MACROD2: variants seen among roughly 807,000 people sequenced by gnomAD.
MACROD2 encodes the protein mono-ADP ribosylhydrolase 2, also known as ADP-ribose glycohydrolase MACROD2.
Under a neutral mutation model 70.4 loss-of-function variants are expected in MACROD2, and 36 were observed. The ratio of observed to expected loss-of-function variants is 0.51; its 90% CI spans 0.39 to 0.68. The LOEUF (loss-of-function observed/expected upper bound fraction) is 0.68. Among genes scored for constraint, MACROD2 ranks in the 30% least tolerant of loss-of-function variants. The probability of loss-of-function intolerance (pLI) is 0.00; values close to 1 mark genes in which losing one functional copy is unlikely to be tolerated. For missense variants in MACROD2, 496 were observed against 538.4 expected, an observed-to-expected ratio of 0.92 and a Z score of 0.78; for synonymous variants, 172 against 178.8, an observed-to-expected ratio of 0.96 and a Z score of 0.30.
intron 5 of MACROD2, among the ~76,000 whole-genome samples, chr20:15,044,309 G>C (rs1267988689): frequency 6.6e-6 from 1 of 152,158 alleles, no homozygotes; most frequent in Non-Finnish European, 1.5e-5. Flanking sequence ...GCTTACAAGA[G>C]TTTTAGGGAG....
chr20:14,849,538 T>A (rs552527895), intron 5 of MACROD2, among the ~76,000 whole-genome samples: 4 of 152,172 alleles, frequency 2.6e-5, no homozygotes, highest in Admixed American at 2.6e-4. Context: ...CCTAGCACTT[T>A]GGGAGGCCGA....
At chr20:15,165,285 A>G (rs1468331978) in intron 5 of MACROD2, among the ~76,000 whole-genome samples, 5 of 152,110 alleles carry the variant, frequency 3.3e-5, no homozygotes, top group East Asian at 1.9e-4. Flanking sequence ...GTAAAACCCC[A>G]TCTCTACTAA....
chr20:14,912,310 T>C (rs2074037618), intron 5 of MACROD2, among the ~76,000 whole-genome samples: 1 of 152,170 alleles, frequency 6.6e-6, no homozygotes, highest in South Asian at 2.1e-4. Context: ...TTAGTGATTA[T>C]TATATCATAT....
Position 14,504,972 on chromosome 20 carries a change from A to G in MACROD2, c.301+11464A>G, listed in dbSNP as rs926488684. On this transcript the variant is annotated intron_variant, in intron 4 of 17. Transcript: ENST00000684519. ...TTGTTTAAAAATGTTGCATAAATAT[A>G]TTATGGGCATTCTAAAATTTGTTTT... Among the ~76,000 whole-genome samples, 7 of 152,204 alleles carry G rather than the reference A, an allele frequency of 4.6e-5. No homozygotes were observed. In the East Asian group the frequency reaches 1.4e-3, roughly 29 times the overall value.
intron 8 of MACROD2, among the ~76,000 whole-genome samples, chr20:15,593,955 G>T (rs539699039): frequency 6.6e-6 from 1 of 152,116 alleles, no homozygotes; most frequent in South Asian, 2.1e-4. Flanking sequence ...GGTATGGGTT[G>T]GTAAACAGAA....
intron 6 of MACROD2, among the ~76,000 whole-genome samples, chr20:15,417,897 A>C (rs1364134136): frequency 1.3e-5 from 2 of 152,220 alleles, no homozygotes; most frequent in Non-Finnish European, 2.9e-5. Flanking sequence ...TAGGTGGCAC[A>C]TAGAACGGTT....
intron 6 of MACROD2, among the ~76,000 whole-genome samples, chr20:15,264,335 C>T (rs1488430536): frequency 6.6e-6 from 1 of 152,152 alleles, no homozygotes; most frequent in African/African-American, 2.4e-5. Context: ...AAGTTGGCTT[C>T]CTACCAGTTA....
chr20:15,423,750 G>A (rs374253113), intron 6 of MACROD2, among the ~76,000 whole-genome samples: 16 of 152,174 alleles, frequency 1.1e-4, no homozygotes, highest in African/African-American at 3.9e-4. Context: ...CATCATATTG[G>A]GAATTAGGTT....
chr20:15,125,158 T>C lies in MACROD2; in HGVS notation c.419-104782T>C, dbSNP rs2076057477. 2.6e-5 allele frequency among the ~76,000 whole-genome samples: 4 copies of C among 152,090 alleles called. No individual in the cohort carries two copies. The South Asian group carries it at 8.3e-4, about 31-fold the overall frequency. ...TAGTTGTGTATAAACTTATTGAATG[T>C]AATCCCTATATATATATTAAGTTCT... is the stretch of plus-strand genomic sequence containing the variant. On this transcript the variant is annotated intron_variant, in intron 5 of 17. Transcript: ENST00000684519.
chr20:15,021,143 T>TGC lies in MACROD2; in HGVS notation c.419-208796_419-208795insCG, dbSNP rs1409531567. On this transcript the variant is annotated intron_variant, in intron 5 of 17. Coordinates refer to ENST00000684519, the MANE Select transcript of MACROD2 (RefSeq NM_001351661.2). ...ACACGTGTGTATACACATACGTGTGTGTATACACACACCTGTGTGTATGTA... is the reference window on the plus strand; with the variant it reads ...ACACGTGTGTATACACATACGTGTGTGCGTATACACACACCTGTGTGTATGTA... 1.7e-5 allele frequency among the ~76,000 whole-genome samples: 2 copies of TGC among 114,568 alleles called. 1 individual carries two copies. The highest frequency in any genetic ancestry group is 6.6e-5 in the African/African-American group (2 of 30,202). The allele number at this position is 114,568 out of a possible 152,430, so 75.2% of individuals were successfully genotyped here.
At chr20:14,946,975 C>T (rs748235221) in intron 5 of MACROD2, among the ~76,000 whole-genome samples, 1 of 152,114 alleles carries the variant, frequency 6.6e-6, no homozygotes, top group Non-Finnish European at 1.5e-5. Context: ...TTGGTGGAGA[C>T]ACAAAGGACA....
At chr20:15,087,460 T>C (rs2075757288) in intron 5 of MACROD2, among the ~76,000 whole-genome samples, 2 of 152,054 alleles carry the variant, frequency 1.3e-5, no homozygotes, top group African/African-American at 4.8e-5. Context: ...TTAACTGCAA[T>C]TAACTGTGGT....
At chr20:15,727,574 G>A (rs545789072) in intron 8 of MACROD2, among the ~76,000 whole-genome samples, 72 of 152,254 alleles carry the variant, frequency 4.7e-4, no homozygotes, top group African/African-American at 1.6e-3. Flanking sequence ...CCATGAGCAT[G>A]GAATGTTTTT....
At chr20:16,049,158 G>A (rs1469658101) in intron 17 of MACROD2, among the ~76,000 whole-genome samples, 1 of 151,892 alleles carries the variant, frequency 6.6e-6, no homozygotes, top group Non-Finnish European at 1.5e-5. Flanking sequence ...AGCAGGAGTG[G>A]GGTAGTAGGG....
chr20:15,560,754 C>G (rs1320314290), intron 8 of MACROD2, among the ~76,000 whole-genome samples: 1 of 13,320 alleles, frequency 7.5e-5, no homozygotes, highest in Non-Finnish European at 1.3e-4. Context: ...CAGGGCATAA[C>G]AAAGTCTCAA....
At chr20:14,583,532 A>G (rs1309101759) in intron 4 of MACROD2, among the ~76,000 whole-genome samples, 2 of 152,118 alleles carry the variant, frequency 1.3e-5, no homozygotes, top group African/African-American at 4.8e-5. Context: ...TCCTGAGATC[A>G]TCTCCCAAAT....
chr20:15,020,882 A>G (rs1568534190), intron 5 of MACROD2, among the ~76,000 whole-genome samples: 2 of 151,544 alleles, frequency 1.3e-5, no homozygotes, highest in Non-Finnish European at 1.5e-5. Flanking sequence ...GCATGACTCT[A>G]TCTGACACTC....
At chr20:15,541,714 A>G (rs2047958037) in intron 8 of MACROD2, among the ~76,000 whole-genome samples, 1 of 152,200 alleles carries the variant, frequency 6.6e-6, no homozygotes, top group South Asian at 2.1e-4. Context: ...TTTCATATGC[A>G]TAACTCCTTA....
chr20:14,800,106 G>T (rs1164127009), intron 5 of MACROD2, among the ~76,000 whole-genome samples: 2 of 151,728 alleles, frequency 1.3e-5, no homozygotes, highest in Non-Finnish European at 2.9e-5. Context: ...ACAGAAACTA[G>T]GAGGAAGGCA....
Sources: allele counts gnomAD v4.1 joint callset (sites outside exome capture counted in the v4.1 genomes callset), GRCh38; gene constraint gnomAD v4.1.1; transcripts MANE v1.5; gene names NCBI Gene and HGNC (gene_info 2026-07-23, HGNC 2026-07-21).